Variants in RSRC1 observed in about 807,000 individuals in gnomAD.
The protein encoded by RSRC1 is arginine and serine rich coiled-coil 1.
In RSRC1, 39 loss-of-function variants were observed where a neutral mutation model predicts 49.1. The ratio of observed to expected loss-of-function variants is 0.79; its 90% CI spans 0.61 to 1.04. The LOEUF (loss-of-function observed/expected upper bound fraction) is 1.04, where lower values mean the gene tolerates loss of function less well. Among genes scored for constraint, RSRC1 ranks in the 50% least tolerant of loss-of-function variants. The pLI is 0.00. For missense variants in RSRC1, 388 were observed against 402.4 expected, an observed-to-expected ratio of 0.96 and a Z score of 0.31; for synonymous variants, 143 against 130.8, an observed-to-expected ratio of 1.09 and a Z score of -0.63.
At chr3:158,197,751 C>G (rs1174942668) in intron 3 of RSRC1, among the ~76,000 whole-genome samples, 2 of 151,944 alleles carry the variant, frequency 1.3e-5, no homozygotes, top group African/African-American at 2.4e-5. Context: ...CGTTATGTAC[C>G]CAGTAGTCAT....
At chr3:158,147,497 A>G (rs908517343) in intron 3 of RSRC1, among the ~76,000 whole-genome samples, 2 of 144,158 alleles carry the variant, frequency 1.4e-5, no homozygotes, top group Admixed American at 7.1e-5. Flanking sequence ...TCTATGTTCC[A>G]TATCTTTAAT....
chr3:158,273,340 T>C (rs1725626137), intron 4 of RSRC1, among the ~76,000 whole-genome samples: 1 of 152,134 alleles, frequency 6.6e-6, no homozygotes, highest in Non-Finnish European at 1.5e-5. Context: ...TAAAGGTCTT[T>C]ACACATACAT....
intron 5 of RSRC1, among the ~76,000 whole-genome samples, chr3:158,315,595 C>T (rs933850084): frequency 3.2e-4 from 48 of 152,094 alleles, no homozygotes; most frequent in African/African-American, 1.1e-3. Flanking sequence ...GCTAGATTTA[C>T]AAATTAAAAT....
At chr3:158,497,562 G>A (rs572208539) in intron 7 of RSRC1, among the ~76,000 whole-genome samples, 8 of 151,188 alleles carry the variant, frequency 5.3e-5, no homozygotes, top group South Asian at 2.1e-4. Context: ...TCAGCCTCCC[G>A]AGTAGCTGGG....
intron 7 of RSRC1, among the ~76,000 whole-genome samples, chr3:158,504,422 GA>G (rs747068099): frequency 6.6e-6 from 1 of 152,206 alleles, no homozygotes; most frequent in Non-Finnish European, 1.5e-5. Context: ...AGGCTACTAT[GA>G]AAATATTTTA....
At chr3:158,308,258 G>C (rs1050079660) in intron 5 of RSRC1, among the ~76,000 whole-genome samples, 1 of 151,938 alleles carries the variant, frequency 6.6e-6, no homozygotes, top group South Asian at 2.1e-4. Flanking sequence ...CCAGTGGTTT[G>C]TACGCAATTT....
At chr3:158,439,674 G>T (rs1736266962) in intron 6 of RSRC1, among the ~76,000 whole-genome samples, 1 of 152,056 alleles carries the variant, frequency 6.6e-6, no homozygotes, top group Admixed American at 6.6e-5. Context: ...TGGGGTGGGG[G>T]GCTAGGAGAG....
intron 7 of RSRC1, among the ~76,000 whole-genome samples, chr3:158,477,225 A>G (rs972695335): frequency 1.3e-5 from 2 of 152,152 alleles, no homozygotes; most frequent in African/African-American, 4.8e-5. Flanking sequence ...GGAGCATTAC[A>G]TAAACTTAGT....
At chr3:158,354,959 C>A in intron 6 of RSRC1, 51 bp downstream of exon 6, 2 of 1,264,596 alleles carry the variant, frequency 1.6e-6, no homozygotes, top group Admixed American at 3.0e-5. Flanking sequence ...CGAGTAAACC[C>A]TAGGCTGGTA....
intron 3 of RSRC1, among the ~76,000 whole-genome samples, chr3:158,166,682 T>C (rs574757315): frequency 5.9e-5 from 9 of 152,304 alleles, no homozygotes; most frequent in Admixed American, 2.6e-4. Context: ...GCATATTTCT[T>C]AGGAACTGAC....
intron 7 of RSRC1, among the ~76,000 whole-genome samples, chr3:158,517,299 A>G (rs1000320548): frequency 3.9e-5 from 6 of 152,148 alleles, no homozygotes; most frequent in African/African-American, 9.7e-5. Flanking sequence ...AAATACAATC[A>G]TCTTATCTTT....
intron 4 of RSRC1, among the ~76,000 whole-genome samples, chr3:158,231,321 A>G (rs1722937469): frequency 6.6e-6 from 1 of 151,754 alleles, no homozygotes; most frequent in Admixed American, 6.6e-5. Context: ...TTTTTAATAG[A>G]GATGGGGTTT....
At chr3:158,295,356 AT>A (rs1727178672) in intron 4 of RSRC1, among the ~76,000 whole-genome samples, 1 of 152,118 alleles carries the variant, frequency 6.6e-6, no homozygotes. Context: ...CTTTGACAAG[AT>A]AACAGAGGGA....
chr3:158,263,500 C>G (rs1482442692), intron 4 of RSRC1, among the ~76,000 whole-genome samples: 2 of 151,872 alleles, frequency 1.3e-5, no homozygotes, highest in Non-Finnish European at 2.9e-5. Flanking sequence ...CTTATAATTC[C>G]TTTGTCTGTG....
rs141518028 is a variant in RSRC1 at position 158,124,006 on chromosome 3, G to C, written c.320+15G>C. 8.5e-4 allele frequency: 1,306 copies of C among 1,543,894 alleles called. 14 individuals are homozygous for C. The African/African-American group carries it at 0.016, about 18-fold the overall frequency. On this transcript the variant is annotated intron_variant, in intron 3 of 9. Transcript: ENST00000611884. ...AGAACAAGAAGGTATGCCTTATTAA[G>C]TATTTATTGCTTTGTAACAAATTAT...
intron 5 of RSRC1, among the ~76,000 whole-genome samples, chr3:158,329,513 G>T (rs1729407262): frequency 6.6e-6 from 1 of 152,192 alleles, no homozygotes; most frequent in African/African-American, 2.4e-5. Flanking sequence ...TCCAGCCCCT[G>T]TTTGCCTGGG....
intron 5 of RSRC1, among the ~76,000 whole-genome samples, chr3:158,353,152 C>G (rs893942270): frequency 6.6e-6 from 1 of 152,100 alleles, no homozygotes; most frequent in Non-Finnish European, 1.5e-5. Flanking sequence ...GACCTTTCTG[C>G]TATTGTTTCA....
intron 6 of RSRC1, among the ~76,000 whole-genome samples, chr3:158,376,892 G>A (rs1732407513): frequency 6.6e-6 from 1 of 152,038 alleles, no homozygotes; most frequent in Non-Finnish European, 1.5e-5. Flanking sequence ...CTCAGATACA[G>A]TGTTTGTTGG....
intron 3 of RSRC1, among the ~76,000 whole-genome samples, chr3:158,137,412 A>G (rs924983977): frequency 5.3e-5 from 8 of 151,322 alleles, no homozygotes; most frequent in Non-Finnish European, 8.8e-5. Context: ...AAATATATAT[A>G]TATATATAAT....
Sources: gnomAD v4.1 joint callset for allele counts (sites outside exome capture counted in the v4.1 genomes callset) on GRCh38, gnomAD v4.1.1 for gene constraint, MANE v1.5 for transcripts, NCBI Gene and HGNC (gene_info 2026-07-23, HGNC 2026-07-21) for gene names.